PAM: variants seen among roughly 807,000 people sequenced by gnomAD.
PAM encodes peptidyl-glycine alpha-amidating monooxygenase.
A neutral mutation model predicts 122.1 loss-of-function variants in PAM; 72 were observed. The ratio of observed to expected loss-of-function variants is 0.59; its 90% CI spans 0.49 to 0.72. The LOEUF (loss-of-function observed/expected upper bound fraction) is 0.72, where lower values mean the gene tolerates loss of function less well. Ranked by LOEUF, PAM falls within the 30% of genes least tolerant of loss-of-function variation. The pLI is 0.00. For synonymous variants in PAM, 389 were observed against 404.4 expected (o/e 0.96, Z 0.46); for missense variants, 1,106 against 1,183.7 (o/e 0.93, Z 0.96).
chr5:102,777,495 A>C (rs1235603391), intron 1 of PAM, among the ~76,000 whole-genome samples: 1 of 152,156 alleles, frequency 6.6e-6, no homozygotes, highest in East Asian at 1.9e-4. Context: ...TAAATGAATA[A>C]AATTTCTAGT....
intron 4 of PAM, among the ~76,000 whole-genome samples, chr5:102,910,171 C>T (rs772108131): frequency 4.0e-5 from 6 of 151,830 alleles, no homozygotes; most frequent in African/African-American, 4.8e-5. Flanking sequence ...ATGACATTCT[C>T]CCCCAGGTCA....
intron 3 of PAM, among the ~76,000 whole-genome samples, chr5:102,898,945 C>A (rs946423479): frequency 6.6e-6 from 1 of 151,592 alleles, no homozygotes; most frequent in Non-Finnish European, 1.5e-5. Context: ...AAAATGGTGT[C>A]TGTAATACCT....
rs1561724700 is a variant in PAM, at chr5:102,876,828, G to A, written c.210+9435G>A. ...GCAAAGGCTCTATTCTCAGGTATTG[G>A]CTAGAGCAAACAGTAGATTTTTTTG... On this transcript the variant is annotated intron_variant, in intron 3 of 25. Transcript: ENST00000438793. 2.0e-5 allele frequency among the ~76,000 whole-genome samples: 3 copies of A among 152,080 alleles called. No homozygotes were observed. The South Asian group carries it at 6.2e-4, about 31-fold the overall frequency.
intron 1 of PAM, among the ~76,000 whole-genome samples, chr5:102,803,195 AAGGAAGGAAGGAAAGAAG>A (rs1469081556): frequency 3.1e-4 from 8 of 25,846 alleles, no homozygotes; most frequent in Non-Finnish European, 8.0e-4. Context: ...GGAAGGAAGG[AAGGAAGGAAGGAAAGAAG>A]GAAGGAAGGA....
chr5:102,845,739 A>G (rs1177397667), intron 1 of PAM, among the ~76,000 whole-genome samples: 2 of 152,208 alleles, frequency 1.3e-5, no homozygotes, highest in Non-Finnish European at 2.9e-5. Flanking sequence ...CAAAGTCTTT[A>G]TTTAATTATT....
intron 3 of PAM, among the ~76,000 whole-genome samples, chr5:102,872,627 A>G (rs1787901771): frequency 6.6e-6 from 1 of 152,192 alleles, no homozygotes; most frequent in Non-Finnish European, 1.5e-5. Flanking sequence ...TAAAATATCA[A>G]ACCATAATCA....
chr5:102,773,426 T>C (rs73774894), intron 1 of PAM, among the ~76,000 whole-genome samples: 98 of 152,258 alleles, frequency 6.4e-4, no homozygotes, highest in African/African-American at 2.2e-3. Flanking sequence ...ACTACTCAAC[T>C]CTTTTCTTAT....
chr5:102,946,850 C>A lies in PAM; in HGVS notation c.540C>A (p.Asp180Glu). The A allele has an allele frequency of 6.3e-7, 1 of 1,596,960 alleles. No homozygotes were observed. Among genetic ancestry groups the A allele is most frequent in the Non-Finnish European group, 8.6e-7 (1 of 1,165,434 alleles). Residue 180 changes from aspartate to glutamate, a missense_variant, in exon 8 of 26, where the codon GAC (aspartate) becomes GAA (glutamate). Physicochemically the swap from Asp to Glu is conservative, Grantham distance 45 (BLOSUM62 2). Around this residue, in one of 3 missense-constraint regions of PAM, gnomAD observed 670 missense variants for 690.3 expected, o/e 0.97. Transcript: ENST00000438793. ...GTGTGTTTTCAGATAATAACAAGGA[C>A]TGTTCTGGTGTGTCCTTACACCTCA... ...DISAFRDNNK[D>E]CSGVSLHLTR...
At chr5:102,869,882 T>G (rs1405851270) in intron 3 of PAM, among the ~76,000 whole-genome samples, 1 of 150,134 alleles carries the variant, frequency 6.7e-6, no homozygotes, top group Non-Finnish European at 1.5e-5. Flanking sequence ...GAAAACGTAT[T>G]AGAGGGAAGA....
intron 17 of PAM, 32 bp from the exon 18 acceptor site, chr5:103,005,122 G>A (rs758122597): frequency 6.2e-6 from 8 of 1,295,388 alleles, no homozygotes; most frequent in Non-Finnish European, 9.0e-6. Context: ...GAGAGTAAAT[G>A]TGTAATTAAC....
At position 102,888,104 on chromosome 5, in the gene PAM, C is replaced by T. The variant is rs540393019; in HGVS notation, c.211-13252C>T. Among the ~76,000 whole-genome samples the T allele has an allele frequency of 2.6e-5, 4 of 152,180 alleles. No homozygotes were observed. The East Asian group carries it at 7.8e-4, about 30-fold the overall frequency. On this transcript the variant is annotated intron_variant, in intron 3 of 25. Coordinates refer to ENST00000438793, the MANE Select transcript of PAM (RefSeq NM_001177306.2). ...TGCAGACTATGGAGGGCAGGAAGCACATCAGGTTTTGCTCATCATTGTATC... is the reference window on the plus strand; with the variant it reads ...TGCAGACTATGGAGGGCAGGAAGCATATCAGGTTTTGCTCATCATTGTATC...
chr5:103,012,826 A>G (rs1224037418), intron 21 of PAM, among the ~76,000 whole-genome samples: 1 of 149,254 alleles, frequency 6.7e-6, no homozygotes. Context: ...ACTGCACTCC[A>G]GCCTGGGGGA....
At position 102,961,166 on chromosome 5, in the gene PAM, T is replaced by C. The variant is rs763778000; in HGVS notation, c.1099T>C (p.Tyr367His). 6.5e-7 allele frequency: 1 copy of C among 1,549,098 alleles called. No individual in the cohort carries two copies. Among genetic ancestry groups the C allele is most frequent in the Non-Finnish European group, 8.9e-7 (1 of 1,121,612 alleles). The change falls in exon 14 of 26, where the codon TAT becomes CAT. Residue 367 changes from tyrosine to histidine, a missense_variant. Tyr to His is a moderately conservative substitution (Grantham distance 83). This residue lies in a region of PAM where 670 missense variants were observed against 690.3 expected (regional missense o/e 0.97). Transcript: ENST00000438793. Reference protein sequence around the residue: ...MMHEHHKETEYKDKIPLLQQP... With the variant: ...MMHEHHKETEHKDKIPLLQQP... ...TCTTTGATCCTTTACAGAAACAGAATATAAAGATAAGATTCCTTTACTACA... is the reference window on the plus strand; with the variant it reads ...TCTTTGATCCTTTACAGAAACAGAACATAAAGATAAGATTCCTTTACTACA...
At chr5:102,850,298 C>T (rs1248833962) in intron 1 of PAM, among the ~76,000 whole-genome samples, 1 of 152,142 alleles carries the variant, frequency 6.6e-6, no homozygotes, top group Non-Finnish European at 1.5e-5. Flanking sequence ...TAGAAGTAAG[C>T]ATGGATGAAG....
intron 10 of PAM, 50 bp downstream of exon 10, chr5:102,949,667 G>T: frequency 1.1e-6 from 1 of 932,406 alleles, no homozygotes; most frequent in Non-Finnish European, 1.8e-6. Flanking sequence ...GTGCTTCCTG[G>T]TGCCATAAAT....
Position 102,918,329 on chromosome 5 carries a change from C to T in PAM, c.356+4308C>T, listed in dbSNP as rs1399602557. Among the ~76,000 whole-genome samples the T allele has an allele frequency of 1.1e-4, 16 of 152,224 alleles. No homozygotes were observed. In the East Asian group the frequency reaches 2.9e-3, roughly 28 times the overall value. ...TGATTTGTTGCACTCTATTTGTGCT[C>T]TATAGACTTAATTCAAAGCATGACA... On this transcript the variant is annotated intron_variant, in intron 5 of 25. Coordinates refer to ENST00000438793, the MANE Select transcript of PAM (RefSeq NM_001177306.2).
At chr5:102,983,594 T>C (rs191596942) in intron 15 of PAM, among the ~76,000 whole-genome samples, 2 of 152,246 alleles carry the variant, frequency 1.3e-5, no homozygotes, top group East Asian at 3.9e-4. Context: ...AGTGTAGAGA[T>C]GGGCAAAGGC....
chr5:102,905,617 G>A (rs1447823075), intron 4 of PAM, among the ~76,000 whole-genome samples: 2 of 151,594 alleles, frequency 1.3e-5, no homozygotes, highest in Non-Finnish European at 3.0e-5. Flanking sequence ...CATAAAGACC[G>A]AGGTCTGGGC....
rs796475955 is a variant in PAM, at chr5:102,758,079, T to G, written c.-374+2731T>G. On this transcript the variant is annotated intron_variant, in intron 1 of 25. Transcript: ENST00000438793. Reference sequence around the variant, plus strand: ...AAAAAAGACTTAGAATTTTGTTTTTTTTTTTTTTTTTTTTTTTTTTTTTTT... The same window carrying G: ...AAAAAAGACTTAGAATTTTGTTTTTGTTTTTTTTTTTTTTTTTTTTTTTTT... 8.2e-4 allele frequency among the ~76,000 whole-genome samples: 25 copies of G among 30,536 alleles called. 1 individual carries two copies. The highest frequency in any genetic ancestry group is 3.6e-3 in the African/African-American group (20 of 5,578). 20.0% of individuals were successfully genotyped at this position (30,536 alleles called of 152,430 possible).
Sources: gnomAD v4.1 joint callset for allele counts (sites outside exome capture counted in the v4.1 genomes callset) on GRCh38, gnomAD v4.1.1 for gene constraint, gnomAD v4.1.1 regional missense constraint, MANE v1.5 for transcripts, NCBI Gene and HGNC (gene_info 2026-07-23, HGNC 2026-07-21) for gene names.